Variants in SUGCT observed in about 807,000 individuals in gnomAD.
SUGCT encodes the protein succinyl-CoA:glutarate CoA-transferase.
A neutral mutation model predicts 55.0 loss-of-function variants in SUGCT; 41 were observed. That is an observed-to-expected ratio of 0.74 (90% confidence interval 0.58 to 0.97). The LOEUF (loss-of-function observed/expected upper bound fraction) is 0.97. Among genes scored for constraint, SUGCT ranks in the 50% least tolerant of loss-of-function variants. The probability of loss-of-function intolerance (pLI) is 0.00; values close to 1 mark genes in which losing one functional copy is unlikely to be tolerated. For synonymous variants in SUGCT, 187 were observed against 200.4 expected (o/e 0.93, Z 0.56); for missense variants, 568 against 547.8 (o/e 1.04, Z -0.37).
At chr7:40,984,680 G>T in the SUGCT span, among the ~76,000 whole-genome samples, 1 of 152,048 alleles carries the variant, frequency 6.6e-6, no homozygotes, top group South Asian at 2.1e-4. Context: ...ATATTCCGAC[G>T]GCTACCATTT....
intron 8 of SUGCT, among the ~76,000 whole-genome samples, chr7:40,279,303 C>A (rs1006263507): frequency 6.6e-6 from 1 of 152,048 alleles, no homozygotes; most frequent in Non-Finnish European, 1.5e-5. Context: ...ATAAATGGGG[C>A]CTGAAAGATA....
At chr7:40,937,887 A>G in the SUGCT span, among the ~76,000 whole-genome samples, 1 of 152,166 alleles carries the variant, frequency 6.6e-6, no homozygotes, top group Non-Finnish European at 1.5e-5. Flanking sequence ...CAGGAGCCAG[A>G]GGGGATGATT....
intron 9 of SUGCT, among the ~76,000 whole-genome samples, chr7:40,389,638 ATAT>A (rs1785313463): frequency 6.6e-6 from 1 of 152,212 alleles, no homozygotes; most frequent in African/African-American, 2.4e-5. Flanking sequence ...AATAAGGTAA[ATAT>A]TATTTCTATT....
At chr7:40,495,421 C>A (rs1417077565) in intron 11 of SUGCT, among the ~76,000 whole-genome samples, 2 of 151,984 alleles carry the variant, frequency 1.3e-5, no homozygotes, top group Admixed American at 1.3e-4. Context: ...AAAAATGTCT[C>A]TTTGGTTACC....
At chr7:40,441,930 G>C (rs762524618) in intron 9 of SUGCT, among the ~76,000 whole-genome samples, 2 of 151,986 alleles carry the variant, frequency 1.3e-5, no homozygotes, top group Non-Finnish European at 2.9e-5. Context: ...GTTTCTGGGT[G>C]GGGGGTCTCA....
intron 7 of SUGCT, among the ~76,000 whole-genome samples, chr7:40,264,273 T>A (rs1406409256): frequency 6.6e-6 from 1 of 152,180 alleles, no homozygotes; most frequent in Admixed American, 6.5e-5. Context: ...CTGAGGTACA[T>A]AAGTAATAGA....
At chr7:40,382,033 G>A (rs1298238980) in intron 9 of SUGCT, among the ~76,000 whole-genome samples, 1 of 151,898 alleles carries the variant, frequency 6.6e-6, no homozygotes, top group Non-Finnish European at 1.5e-5. Flanking sequence ...GTGTGTGTGT[G>A]TAACTCTAGG....
intron 12 of SUGCT, among the ~76,000 whole-genome samples, chr7:40,617,884 A>T (rs1799085255): frequency 6.6e-6 from 1 of 152,116 alleles, no homozygotes; most frequent in Non-Finnish European, 1.5e-5. Context: ...CAGTTTTTTC[A>T]TATGTCATCG....
At chr7:40,549,514 G>A (rs1795187587) in intron 12 of SUGCT, among the ~76,000 whole-genome samples, 1 of 152,144 alleles carries the variant, frequency 6.6e-6, no homozygotes, top group South Asian at 2.1e-4. Flanking sequence ...ATTATCTAGT[G>A]TGAACATTGG....
intron 12 of SUGCT, among the ~76,000 whole-genome samples, chr7:40,529,490 G>C (rs900721039): frequency 6.6e-6 from 1 of 152,174 alleles, no homozygotes; most frequent in African/African-American, 2.4e-5. Context: ...TGTGGGTACC[G>C]TTAATAAACC....
At chr7:40,176,575 T>G (rs761131830) in intron 1 of SUGCT, among the ~76,000 whole-genome samples, 1 of 152,100 alleles carries the variant, frequency 6.6e-6, no homozygotes, top group Non-Finnish European at 1.5e-5. Context: ...GATAACAAAT[T>G]TCAATTCTTT....
At chr7:40,442,770 C>T (rs1408972794) in intron 9 of SUGCT, among the ~76,000 whole-genome samples, 2 of 152,068 alleles carry the variant, frequency 1.3e-5, no homozygotes, top group South Asian at 2.1e-4. Context: ...ATGTTTACAA[C>T]GTGCAGGTTT....
chr7:40,255,227 C>CA (rs35996807), intron 7 of SUGCT, among the ~76,000 whole-genome samples: 2,424 of 100,890 alleles, frequency 0.024, 63 homozygotes, highest in African/African-American at 0.082. Context: ...AACTTCATCT[C>CA]AAAAAAAAAA....
chr7:40,617,543 C>T (rs1446689502), intron 12 of SUGCT, among the ~76,000 whole-genome samples: 1 of 145,084 alleles, frequency 6.9e-6, no homozygotes, highest in Non-Finnish European at 1.5e-5. Context: ...ACTTGCTCTT[C>T]CAGGAGAAAA....
intron 1 of SUGCT, chr7:40,152,613 T>G (rs1788632555): frequency 5.3e-6 from 1 of 187,066 alleles, no homozygotes; most frequent in Non-Finnish European, 1.3e-5. Context: ...GATTACTAGT[T>G]TAGAAAAACA....
the SUGCT span, among the ~76,000 whole-genome samples, chr7:40,874,710 G>C: frequency 6.6e-6 from 1 of 152,184 alleles, no homozygotes. Context: ...CTGTTCAACT[G>C]GGAATCCTAA....
chr7:40,993,907 C>A, the SUGCT span, among the ~76,000 whole-genome samples: 7 of 152,118 alleles, frequency 4.6e-5, no homozygotes, highest in African/African-American at 1.7e-4. Context: ...TATGCAAGAA[C>A]TTTGAAAAAC....
At chr7:40,711,379 G>A (rs537074150) in intron 12 of SUGCT, among the ~76,000 whole-genome samples, 15 of 152,064 alleles carry the variant, frequency 9.9e-5, no homozygotes, top group East Asian at 9.7e-4. Context: ...GCATGGTGGC[G>A]CACACCTGTA....
chr7:40,210,211 A>C (rs947995660), intron 6 of SUGCT, among the ~76,000 whole-genome samples: 1 of 151,000 alleles, frequency 6.6e-6, no homozygotes, highest in Non-Finnish European at 1.5e-5. Flanking sequence ...ACGCCCAGCT[A>C]TTTTTTTTGT....
Sources: allele counts gnomAD v4.1 joint callset (sites outside exome capture counted in the v4.1 genomes callset), GRCh38; gene constraint gnomAD v4.1.1; transcripts MANE v1.5; gene names NCBI Gene and HGNC (gene_info 2026-07-23, HGNC 2026-07-21).